The following RPTOR variants were observed in gnomAD, a reference collection of about 807,000 sequenced individuals.
RPTOR encodes the protein regulatory associated protein of MTOR complex 1, also known as regulatory-associated protein of mTOR.
A neutral mutation model predicts 169.9 loss-of-function variants in RPTOR; 21 were observed. The ratio of observed to expected loss-of-function variants is 0.12; its 90% CI spans 0.09 to 0.18. The LOEUF is 0.18. Ranked by LOEUF, RPTOR falls within the 10% of genes least tolerant of loss-of-function variation. RPTOR has a pLI of 1.00. For missense variants in RPTOR, 1,133 were observed against 1,855.9 expected (o/e 0.61, Z 7.16); for synonymous variants, 732 against 753.2 (o/e 0.97, Z 0.46).
At chr17:80,564,825 C>T (rs998816768) in intron 1 of RPTOR, among the ~76,000 whole-genome samples, 2 of 152,158 alleles carry the variant, frequency 1.3e-5, no homozygotes, top group African/African-American at 4.8e-5. Flanking sequence ...TTAGCTCCCA[C>T]TTATAAGTGA....
intron 6 of RPTOR, among the ~76,000 whole-genome samples, chr17:80,791,188 G>C (rs548518187): frequency 6.6e-6 from 1 of 151,572 alleles, no homozygotes; most frequent in East Asian, 1.9e-4. Context: ...TCCAGGGACC[G>C]GGCTTCATGT....
chr17:80,653,271 G>A lies in RPTOR; in HGVS notation c.348+9461G>A, dbSNP rs146595387. On this transcript the variant is annotated intron_variant, in intron 3 of 33. Coordinates refer to ENST00000306801, the MANE Select transcript of RPTOR (RefSeq NM_020761.3). ...ATTGGTTTCATAAAACTGTTAAGAG[G>A]TTCAGCCAGGCACCGTGGCTCATGC... Among the ~76,000 whole-genome samples the A allele has an allele frequency of 2.4e-3, 370 of 152,274 alleles. 3 individuals carry two copies. Among genetic ancestry groups the A allele is most frequent in the African/African-American group, 8.5e-3 (355 of 41,542 alleles).
At chr17:80,640,855 C>T (rs2065548020) in intron 2 of RPTOR, among the ~76,000 whole-genome samples, 2 of 152,176 alleles carry the variant, frequency 1.3e-5, no homozygotes, top group Non-Finnish European at 2.9e-5. Context: ...TGTGAGCCAC[C>T]GCTGACCGTC....
At chr17:80,777,397 A>G (rs2066901761) in intron 6 of RPTOR, among the ~76,000 whole-genome samples, 1 of 152,178 alleles carries the variant, frequency 6.6e-6, no homozygotes, top group Non-Finnish European at 1.5e-5. Context: ...AAAAACTTGA[A>G]TATTCAAGCA....
At chr17:80,678,082 A>G (rs1213603173) in intron 3 of RPTOR, among the ~76,000 whole-genome samples, 1 of 152,240 alleles carries the variant, frequency 6.6e-6, no homozygotes, top group Non-Finnish European at 1.5e-5. Context: ...CTCCAACTTG[A>G]AAATCGTAAA....
In RPTOR at chr17:80,965,228, CATGTGCAG is replaced by C. The variant is rs1156920137; in HGVS notation, c.*902_*909del. ...TGCCCTCACACAGGTGTAGCACACG[CATGTGCAG>C]ATGGCACCACGGCCGGCACCTGGGG... On this transcript the variant is annotated 3_prime_UTR_variant, in exon 34 of 34. Coordinates refer to ENST00000306801, the MANE Select transcript of RPTOR (RefSeq NM_020761.3). 12 of 233,268 alleles carry C rather than the reference CATGTGCAG, an allele frequency of 5.1e-5. No individual in the cohort carries two copies. Among genetic ancestry groups the C allele is most frequent in the Admixed American group, 2.2e-4 (4 of 17,790 alleles). The allele number at this position is 233,268 out of a possible 1,614,324, so 14.4% of individuals were successfully genotyped here. A position where few individuals can be genotyped will look rare whatever the true frequency, so the allele number is the denominator to read the frequency against.
In RPTOR at chr17:80,878,200, C is replaced by T. The variant is rs1033547136; in HGVS notation, c.1510-2215C>T. On this transcript the variant is annotated intron_variant, in intron 13 of 33. Transcript: ENST00000306801. The surrounding 1 kb of genome is among the most constrained non-coding windows in gnomAD (Gnocchi z 4.1). ...CTCACTCTGTCGATGCAGTGTCTGTCACTGCTCAGTTTCTAGGTATTGATC... is the reference window on the plus strand; with the variant it reads ...CTCACTCTGTCGATGCAGTGTCTGTTACTGCTCAGTTTCTAGGTATTGATC... Among the ~76,000 whole-genome samples, 27 of 152,200 alleles carry T rather than the reference C, an allele frequency of 1.8e-4. No individual in the cohort carries two copies. Among genetic ancestry groups the T allele is most frequent in the African/African-American group, 5.5e-4 (23 of 41,454 alleles).
rs1287949568 is a variant in RPTOR at position 80,545,566 on chromosome 17, G to GAGAGGTGTACCTC, written c.-64_-63insAGAGGTGTACCTC. 5.4e-6 allele frequency: 7 copies of GAGAGGTGTACCTC among 1,307,318 alleles called. No individual in the cohort carries two copies. Among genetic ancestry groups the GAGAGGTGTACCTC allele is most frequent in the Non-Finnish European group, 7.5e-6 (7 of 938,044 alleles). The allele number at this position is 1,307,318 out of a possible 1,614,324, so 81.0% of individuals were successfully genotyped here. A position where few individuals can be genotyped will look rare whatever the true frequency, so the allele number is the denominator to read the frequency against. On this transcript the variant is annotated 5_prime_UTR_variant, in exon 1 of 34. Coordinates refer to ENST00000306801, the MANE Select transcript of RPTOR (RefSeq NM_020761.3). Reference sequence around the variant, plus strand: ...ATTTCACCAATTCTGGTACACGCTAGTTTTTAAGGCTGGAGGTTCTCGAGC... The same window carrying GAGAGGTGTACCTC: ...ATTTCACCAATTCTGGTACACGCTAGAGAGGTGTACCTCTTTTTAAGGCTGGAGGTTCTCGAGC...
At chr17:80,613,014 C>T (rs984265414) in intron 1 of RPTOR, among the ~76,000 whole-genome samples, 2 of 152,192 alleles carry the variant, frequency 1.3e-5, no homozygotes, top group African/African-American at 2.4e-5. Context: ...TCAGCATCAG[C>T]GTCTGTCCAC....
intron 4 of RPTOR, among the ~76,000 whole-genome samples, chr17:80,714,931 C>T (rs890897313): frequency 6.6e-6 from 1 of 152,152 alleles, no homozygotes; most frequent in African/African-American, 2.4e-5. Flanking sequence ...CCATGTTGGC[C>T]AGGCTGGTCT....
chr17:80,598,501 T>C (rs1232391905), intron 1 of RPTOR, among the ~76,000 whole-genome samples: 1 of 152,188 alleles, frequency 6.6e-6, no homozygotes, highest in African/African-American at 2.4e-5. Flanking sequence ...AAAAAGGTTT[T>C]TAAAAATGTG....
intron 11 of RPTOR, among the ~76,000 whole-genome samples, chr17:80,849,100 C>T (rs1423513444): frequency 1.3e-5 from 2 of 152,152 alleles, no homozygotes; most frequent in East Asian, 3.9e-4. Flanking sequence ...ATTTGACGTA[C>T]CCCCCGGGAG....
At chr17:80,894,446 C>G (rs188873151) in intron 20 of RPTOR, among the ~76,000 whole-genome samples, 1 of 152,328 alleles carries the variant, frequency 6.6e-6, no homozygotes, top group East Asian at 1.9e-4. Flanking sequence ...AGCAGCTTGA[C>G]GCAGCACTGC....
Position 80,659,069 on chromosome 17 carries a change from C to A in RPTOR, c.348+15259C>A, listed in dbSNP as rs1297525131. Among the ~76,000 whole-genome samples, 1 of 152,168 alleles carries A rather than the reference C, an allele frequency of 6.6e-6. No homozygotes were observed. Among genetic ancestry groups the A allele is most frequent in the Non-Finnish European group, 1.5e-5 (1 of 68,040 alleles). On this transcript the variant is annotated intron_variant, in intron 3 of 33. Coordinates refer to ENST00000306801, the MANE Select transcript of RPTOR (RefSeq NM_020761.3). The surrounding 1 kb of genome is among the most constrained non-coding windows in gnomAD (Gnocchi z 4.3). ...AGAGGCCAGTATTTGTGCCGAGAGC[C>A]ACAGGGCTCACCCGTGGAGGGAATC...
chr17:80,575,477 G>A (rs886513541), intron 1 of RPTOR, among the ~76,000 whole-genome samples: 4 of 152,192 alleles, frequency 2.6e-5, no homozygotes, highest in African/African-American at 9.7e-5. Context: ...CAGGTGCACC[G>A]CACGTCTGTA....
intron 5 of RPTOR, among the ~76,000 whole-genome samples, chr17:80,731,586 A>G (rs980470255): frequency 1.3e-5 from 2 of 152,192 alleles, no homozygotes; most frequent in Non-Finnish European, 2.9e-5. Flanking sequence ...AATTCTGAGG[A>G]CAAATTGAAG....
At position 80,700,764 on chromosome 17, in the gene RPTOR, T is replaced by C. The variant is rs142657461; in HGVS notation, c.349-7077T>C. Among the ~76,000 whole-genome samples the C allele has an allele frequency of 1.4e-3, 27 of 19,626 alleles. 1 individual carries two copies. Among genetic ancestry groups the C allele is most frequent in the East Asian group, 4.8e-3 (2 of 414 alleles). 12.9% of individuals were successfully genotyped at this position (19,626 alleles called of 152,430 possible). A position where few individuals can be genotyped will look rare whatever the true frequency, so the allele number is the denominator to read the frequency against. On this transcript the variant is annotated intron_variant, in intron 3 of 33. Coordinates refer to ENST00000306801, the MANE Select transcript of RPTOR (RefSeq NM_020761.3). ...GTGGTGGTGGTGGTGATGATGGTGATGGTGATGGTAGAGATGATGATGGTG... is the reference window on the plus strand; with the variant it reads ...GTGGTGGTGGTGGTGATGATGGTGACGGTGATGGTAGAGATGATGATGGTG...
chr17:80,658,660 C>T (rs539647025), intron 3 of RPTOR, among the ~76,000 whole-genome samples: 10 of 152,296 alleles, frequency 6.6e-5, no homozygotes, highest in Admixed American at 3.3e-4. Flanking sequence ...CCCCTGCTGA[C>T]GCTCATTGGA....
At chr17:80,643,331 C>T (rs539274539) in intron 2 of RPTOR, among the ~76,000 whole-genome samples, 6 of 152,272 alleles carry the variant, frequency 3.9e-5, no homozygotes, top group Non-Finnish European at 5.9e-5. Context: ...TTCTCTCCTC[C>T]TTTTCCTGTA....
Sources: allele counts gnomAD v4.1 joint callset (sites outside exome capture counted in the v4.1 genomes callset), GRCh38; gene constraint gnomAD v4.1.1; non-coding constraint Gnocchi (gnomAD v3.1); transcripts MANE v1.5; gene names NCBI Gene and HGNC (gene_info 2026-07-23, HGNC 2026-07-21).